Variants in ALX4 observed in about 807,000 individuals in gnomAD.
ALX4 encodes the protein homeobox protein aristaless-like 4.
Under a neutral mutation model 40.6 loss-of-function variants are expected in ALX4, and 22 were observed. That is an observed-to-expected ratio of 0.54 (90% CI 0.39 to 0.77). The LOEUF is 0.77. Ranked by LOEUF, ALX4 falls within the 30% of genes least tolerant of loss-of-function variation. ALX4 has a pLI of 0.00. For synonymous variants in ALX4, 266 were observed against 240.5 expected, an observed-to-expected ratio of 1.11 and a Z score of -0.98; for missense variants, 556 against 564.8, an observed-to-expected ratio of 0.98 and a Z score of 0.16.
chr11:44,300,973 C>T (rs949725991), intron 1 of ALX4, among the ~76,000 whole-genome samples: 1 of 152,242 alleles, frequency 6.6e-6, no homozygotes, highest in African/African-American at 2.4e-5. Flanking sequence ...ACCTTCTCCT[C>T]AGAGCCTGAG....
chr11:44,275,235 G>A, intron 2 of ALX4, 113 bp downstream of exon 2: 2 of 1,128,416 alleles, frequency 1.8e-6, no homozygotes, highest in Non-Finnish European at 2.6e-6. Flanking sequence ...AATGAACTGA[G>A]GAAAGGAAAG....
chr11:44,305,124 TA>T (rs1590705335), intron 1 of ALX4, among the ~76,000 whole-genome samples: 1 of 152,262 alleles, frequency 6.6e-6, no homozygotes, highest in East Asian at 1.9e-4. Context: ...AGGAAACATG[TA>T]AATGGTCTGT....
At chr11:44,309,154 T>TCCCGCAGCCCCGCAGC (rs1348687898) in intron 1 of ALX4, among the ~76,000 whole-genome samples, 17,116 of 109,434 alleles carry the variant, frequency 0.16, 3,696 homozygotes, top group African/African-American at 0.19. Flanking sequence ...AGTCCTGCTG[T>TCCCGCAGCCCCGCAGC]CCCGCAGCCC....
chr11:44,281,373 G>A (rs990172605), intron 1 of ALX4, among the ~76,000 whole-genome samples: 15 of 151,716 alleles, frequency 9.9e-5, no homozygotes, highest in African/African-American at 1.7e-4. Flanking sequence ...GTGCAGATCC[G>A]CGTGGGTGGG....
intron 1 of ALX4, among the ~76,000 whole-genome samples, chr11:44,277,621 T>C (rs760545676): frequency 6.6e-6 from 1 of 152,238 alleles, no homozygotes. Context: ...CCAGGTCTTC[T>C]GACTCCATCC....
intron 3 of ALX4, among the ~76,000 whole-genome samples, chr11:44,265,892 C>T (rs1956211004): frequency 6.6e-6 from 1 of 152,178 alleles, no homozygotes; most frequent in African/African-American, 2.4e-5. Flanking sequence ...CACTGGGCTT[C>T]CCTTCCCTCC....
At chr11:44,293,629 T>A (rs752040403) in intron 1 of ALX4, among the ~76,000 whole-genome samples, 2 of 152,214 alleles carry the variant, frequency 1.3e-5, no homozygotes, top group Non-Finnish European at 2.9e-5. Context: ...GGCTAAATCC[T>A]GGGGGATGCA....
In ALX4 at chr11:44,309,715, C is replaced by T. The variant is rs769501075; in HGVS notation, c.348G>A (p.Pro116=). 6.4e-7 allele frequency: 1 copy of T among 1,573,100 alleles called. No homozygotes were observed. The highest frequency in any genetic ancestry group is 2.4e-5 in the East Asian group (1 of 42,478). Residue 116 remains proline, a synonymous_variant, in exon 1 of 4, where the codon CCG becomes CCA. Transcript: ENST00000652299. The part of the protein sequence containing the change: ...QPQQQQPQPQ[P]PAQPHLYLQR... ...GCAAGTAAAGATGCGGTTGCGCGGG[C>T]GGCTGGGGCTGCGGCTGCTGCTGCT... is the stretch of plus-strand genomic sequence containing the variant.
chr11:44,309,497 G>A, intron 1 of ALX4, 100 bp downstream of exon 1: 1 of 1,506,368 alleles, frequency 6.6e-7, no homozygotes. Flanking sequence ...CCCGCCCCCA[G>A]CCCGCCAACT....
chr11:44,304,426 C>T (rs1471874179), intron 1 of ALX4, among the ~76,000 whole-genome samples: 3 of 152,154 alleles, frequency 2.0e-5, no homozygotes, highest in Admixed American at 1.3e-4. Flanking sequence ...CTCTTCTCTC[C>T]GGCATACACT....
In ALX4 at chr11:44,275,587, G is replaced by C. The variant is rs775067051; in HGVS notation, c.538C>G (p.Leu180Val). The change falls in exon 2 of 4, where the codon CTG becomes GTG. Residue 180 changes from leucine (L) to valine (V), a missense_variant. By Grantham distance (32) the Leu-to-Val change is conservative. Transcript: ENST00000652299. ...SDTVGMDSSY[L>V]SVKEAGVKGP... is the part of the protein sequence containing the mutation. ...TTCACCCCAGCCTCCTTGACACTCA[G>C]GTAGCTGCTGTCCATCCCCACAGTG... 1 of 1,614,084 alleles carries C rather than the reference G, an allele frequency of 6.2e-7. No individual in the cohort carries two copies. Among genetic ancestry groups the C allele is most frequent in the Non-Finnish European group, 8.5e-7 (1 of 1,179,974 alleles).
chr11:44,277,473 C>T (rs115967574), intron 1 of ALX4, among the ~76,000 whole-genome samples: 384 of 152,336 alleles, frequency 2.5e-3, no homozygotes, highest in African/African-American at 8.7e-3. Context: ...TTTGACACGA[C>T]CTTTCACGTG....
chr11:44,294,828 CTATTTATTTATTTATTTATT>C (rs60988016), intron 1 of ALX4, among the ~76,000 whole-genome samples: 5 of 148,224 alleles, frequency 3.4e-5, no homozygotes, highest in Admixed American at 2.0e-4. Flanking sequence ...AGATCCTTAC[CTATTTATTTATTTATTTATT>C]TATTTATTTA....
intron 1 of ALX4, among the ~76,000 whole-genome samples, chr11:44,289,693 A>G (rs1021618300): frequency 5.3e-5 from 8 of 152,340 alleles, no homozygotes; most frequent in African/African-American, 1.4e-4. Context: ...CAGGGTCTCC[A>G]TGAGAAGCCC....
intron 2 of ALX4, among the ~76,000 whole-genome samples, chr11:44,268,842 C>T (rs1014280662): frequency 1.3e-5 from 2 of 152,190 alleles, no homozygotes; most frequent in African/African-American, 4.8e-5. Context: ...TGTCTGCTGG[C>T]TTTGCAGACT....
intron 1 of ALX4, among the ~76,000 whole-genome samples, chr11:44,288,795 T>C (rs540574896): frequency 3.5e-4 from 53 of 152,296 alleles, no homozygotes; most frequent in African/African-American, 1.3e-3. Flanking sequence ...AATTTTTGAG[T>C]CTACTGTAAT....
At chr11:44,302,118 C>T (rs1031266845) in intron 1 of ALX4, among the ~76,000 whole-genome samples, 1 of 152,158 alleles carries the variant, frequency 6.6e-6, no homozygotes, top group East Asian at 1.9e-4. Context: ...TCCCTGGGGG[C>T]GCCTCTGGAG....
At position 44,293,806 on chromosome 11, in the gene ALX4, C is replaced by G. The variant is rs536592414; in HGVS notation, c.466+15791G>C. Among the ~76,000 whole-genome samples the G allele has an allele frequency of 2.6e-5, 4 of 152,354 alleles. No homozygotes were observed. The East Asian group carries it at 7.7e-4, about 29-fold the overall frequency. On this transcript the variant is annotated intron_variant, in intron 1 of 3. Transcript: ENST00000652299. ...ACTCGTTCTGTTTAGAAGGGTTTGTCTCCTCCTTCTTTACCCACAGGAGCT... is the reference window on the plus strand; with the variant it reads ...ACTCGTTCTGTTTAGAAGGGTTTGTGTCCTCCTTCTTTACCCACAGGAGCT...
chr11:44,293,483 C>T (rs1214072830), intron 1 of ALX4, among the ~76,000 whole-genome samples: 9 of 152,170 alleles, frequency 5.9e-5, no homozygotes, highest in African/African-American at 1.7e-4. Context: ...TAATCCACAG[C>T]GAACGTGAGA....
Sources: allele counts gnomAD v4.1 joint callset (sites outside exome capture counted in the v4.1 genomes callset), GRCh38; gene constraint gnomAD v4.1.1; transcripts MANE v1.5; gene names NCBI Gene and HGNC (gene_info 2026-07-23, HGNC 2026-07-21).